TENM4: variants seen among roughly 807,000 people sequenced by gnomAD.
TENM4 encodes the protein teneurin-4.
TENM4 carries 82 observed loss-of-function variants against 243.3 expected under a neutral mutation model. The ratio of observed to expected loss-of-function variants is 0.34; its 90% CI spans 0.28 to 0.40. The LOEUF is 0.40. Ranked by LOEUF, TENM4 falls within the 10% of genes least tolerant of loss-of-function variation. The pLI is 1.00. For synonymous variants in TENM4, 1,412 were observed against 1,456.3 expected (o/e 0.97, Z 0.69); for missense variants, 3,138 against 3,673.3 (o/e 0.85, Z 3.77).
At chr11:79,299,434 G>A (rs1856515362) in intron 1 of TENM4, among the ~76,000 whole-genome samples, 1 of 152,162 alleles carries the variant, frequency 6.6e-6, no homozygotes, top group South Asian at 2.1e-4. Context: ...CCCCAGATAT[G>A]CAATTCTGTG....
At chr11:79,242,853 T>A (rs1437943525) in intron 2 of TENM4, among the ~76,000 whole-genome samples, 1 of 152,246 alleles carries the variant, frequency 6.6e-6, no homozygotes, top group Non-Finnish European at 1.5e-5. Context: ...TTTGAGGCTC[T>A]TGAGTCTTAT....
chr11:78,996,442 C>T (rs1391895457), intron 6 of TENM4, among the ~76,000 whole-genome samples: 1 of 152,196 alleles, frequency 6.6e-6, no homozygotes, highest in Non-Finnish European at 1.5e-5. Flanking sequence ...GCTCCAGCCA[C>T]CATGCGACTA....
At chr11:79,312,481 T>C (rs554719136) in intron 1 of TENM4, among the ~76,000 whole-genome samples, 1 of 152,286 alleles carries the variant, frequency 6.6e-6, no homozygotes, top group Admixed American at 6.5e-5. Context: ...CCTATGAAAG[T>C]ATGTCCTATA....
At chr11:78,985,755 A>T (rs1204580366) in intron 6 of TENM4, among the ~76,000 whole-genome samples, 1 of 151,850 alleles carries the variant, frequency 6.6e-6, no homozygotes, top group Non-Finnish European at 1.5e-5. Context: ...TTTTATTGCC[A>T]TGCAGAAATG....
intron 15 of TENM4, among the ~76,000 whole-genome samples, chr11:78,801,638 C>T (rs1363812197): frequency 6.6e-6 from 1 of 152,184 alleles, no homozygotes; most frequent in African/African-American, 2.4e-5. Context: ...TTCATTAAAT[C>T]CTGTTCTTGG....
Position 79,053,499 on chromosome 11 carries a change from C to A in TENM4, c.493+11239G>T, listed in dbSNP as rs78568749. The stretch of plus-strand genomic sequence containing the variant: ...TTCAGAACCATCTCCTGCTATGATG[C>A]AACCCAGCTCTCCTCTCTGGCCTCA... On this transcript the variant is annotated intron_variant, in intron 6 of 33. Coordinates refer to ENST00000278550, the MANE Select transcript of TENM4 (RefSeq NM_001098816.3). 9.8e-5 allele frequency among the ~76,000 whole-genome samples: 15 copies of A among 152,346 alleles called. No homozygotes were observed. In the East Asian group the frequency reaches 2.9e-3, roughly 29 times the overall value.
At position 79,285,935 on chromosome 11, in the gene TENM4, G is replaced by A. The variant is rs568364563; in HGVS notation, c.-265+11553C>T. 1.9e-4 allele frequency among the ~76,000 whole-genome samples: 29 copies of A among 152,238 alleles called. No individual in the cohort carries two copies. In the East Asian group the frequency reaches 5.6e-3, roughly 29 times the overall value. On this transcript the variant is annotated intron_variant, in intron 2 of 33. Coordinates refer to ENST00000278550, the MANE Select transcript of TENM4 (RefSeq NM_001098816.3). ...CAAAGGGTTTCTTTTTTGGGGTGATGAAATGTTCTAAAGTTAGATTGTGGT... is the reference window on the plus strand; with the variant it reads ...CAAAGGGTTTCTTTTTTGGGGTGATAAAATGTTCTAAAGTTAGATTGTGGT...
At chr11:79,085,621 C>T (rs1218135486) in intron 4 of TENM4, among the ~76,000 whole-genome samples, 1 of 152,128 alleles carries the variant, frequency 6.6e-6, no homozygotes, top group East Asian at 1.9e-4. Flanking sequence ...AAGACTCAGT[C>T]AATAGGTGTA....
At chr11:78,729,062 TG>T (rs1047675889) in intron 22 of TENM4, among the ~76,000 whole-genome samples, 1 of 152,128 alleles carries the variant, frequency 6.6e-6, no homozygotes, top group Non-Finnish European at 1.5e-5. Flanking sequence ...AGGATGGCTG[TG>T]GGGTGGCCAG....
At chr11:79,176,921 C>T (rs970852656) in intron 3 of TENM4, among the ~76,000 whole-genome samples, 2 of 152,114 alleles carry the variant, frequency 1.3e-5, no homozygotes, top group Non-Finnish European at 2.9e-5. Context: ...AGGGTGGGGG[C>T]AGGTTCCTTT....
At chr11:78,814,238 A>C in intron 13 of TENM4, 56 bp downstream of exon 13, 2 of 1,498,624 alleles carry the variant, frequency 1.3e-6, no homozygotes, top group Non-Finnish European at 1.8e-6. Context: ...AGTAGAAGTG[A>C]GCTGCCTGAG....
At chr11:79,267,570 C>G (rs543914976) in intron 2 of TENM4, among the ~76,000 whole-genome samples, 1 of 152,128 alleles carries the variant, frequency 6.6e-6, no homozygotes, top group African/African-American at 2.4e-5. Context: ...GTGACCTAGA[C>G]AAATTAAAAC....
intron 1 of TENM4, among the ~76,000 whole-genome samples, chr11:79,303,343 C>T (rs1856579204): frequency 6.6e-6 from 1 of 152,132 alleles, no homozygotes; most frequent in South Asian, 2.1e-4. Context: ...CCTCCCTAAG[C>T]CTCTGTGTTT....
rs574682994 is a variant in TENM4 at position 78,675,463 on chromosome 11, C to G, written c.5496+689G>C. The stretch of plus-strand genomic sequence containing the variant: ...GTTCATTAACTTTCCCTCTGTTCAT[C>G]ACCTGCCTTTCTCAAGGTGGAGGAA... On this transcript the variant is annotated intron_variant, in intron 30 of 33. Coordinates refer to ENST00000278550, the MANE Select transcript of TENM4 (RefSeq NM_001098816.3). Among the ~76,000 whole-genome samples, 5 of 152,308 alleles carry G rather than the reference C, an allele frequency of 3.3e-5. No individual in the cohort carries two copies. In the South Asian group the frequency reaches 1.0e-3, roughly 32 times the overall value.
At chr11:79,021,889 A>G (rs576690720) in intron 6 of TENM4, 8 of 152,356 alleles carry the variant, frequency 5.3e-5, no homozygotes, top group Admixed American at 5.2e-4. Flanking sequence ...TTAAAGTACA[A>G]ATCACCTTCA....
intron 4 of TENM4, among the ~76,000 whole-genome samples, chr11:79,140,096 C>G (rs1862258108): frequency 6.6e-6 from 1 of 151,804 alleles, no homozygotes; most frequent in African/African-American, 2.4e-5. Context: ...CCAATGTCTT[C>G]TGGATCGTCT....
At chr11:79,176,923 G>T (rs751829311) in intron 3 of TENM4, among the ~76,000 whole-genome samples, 5 of 152,108 alleles carry the variant, frequency 3.3e-5, no homozygotes, top group Non-Finnish European at 7.4e-5. Context: ...GGTGGGGGCA[G>T]GTTCCTTTGG....
chr11:78,966,423 A>G (rs1419333827), intron 6 of TENM4, among the ~76,000 whole-genome samples: 3 of 152,188 alleles, frequency 2.0e-5, no homozygotes, highest in Non-Finnish European at 4.4e-5. Flanking sequence ...TCACGAAAGT[A>G]TGGCAAATCC....
At position 78,657,123 on chromosome 11, in the gene TENM4, G is replaced by T; in HGVS notation, c.*935C>A. The T allele has an allele frequency of 2.5e-6, 1 of 398,622 alleles. No homozygotes were observed. Among genetic ancestry groups the T allele is most frequent in the Non-Finnish European group, 4.4e-6 (1 of 226,084 alleles). 24.7% of individuals were successfully genotyped at this position (398,622 alleles called of 1,614,324 possible). A position where few individuals can be genotyped will look rare whatever the true frequency, so the allele number is the denominator to read the frequency against. On this transcript the variant is annotated 3_prime_UTR_variant, in exon 34 of 34. Coordinates refer to ENST00000278550, the MANE Select transcript of TENM4 (RefSeq NM_001098816.3). ...GGTGGCCTTCTGTTCTGTGGACATGGTGCCCACATTGAAGGCTTGCTGTGC... is the reference window on the plus strand; with the variant it reads ...GGTGGCCTTCTGTTCTGTGGACATGTTGCCCACATTGAAGGCTTGCTGTGC...
Sources: gnomAD v4.1 joint callset for allele counts (sites outside exome capture counted in the v4.1 genomes callset) on GRCh38, gnomAD v4.1.1 for gene constraint, MANE v1.5 for transcripts, NCBI Gene and HGNC (gene_info 2026-07-23, HGNC 2026-07-21) for gene names.